FAM107B: variants seen among roughly 807,000 people sequenced by gnomAD.
FAM107B encodes the protein protein FAM107B.
FAM107B carries 21 observed loss-of-function variants against 31.5 expected under a neutral mutation model. The observed-to-expected ratio is 0.67, with a 90% CI of 0.47 to 0.96. The LOEUF (loss-of-function observed/expected upper bound fraction) is 0.96. Ranked by LOEUF, FAM107B falls within the 40% of genes least tolerant of loss-of-function variation. FAM107B has a pLI of 0.00. For missense variants in FAM107B, 452 were observed against 377.1 expected (o/e 1.20, Z -1.64); for synonymous variants, 157 against 141.5 (o/e 1.11, Z -0.78).
chr10:14,597,629 A>T (rs183304645), intron 2 of FAM107B, among the ~76,000 whole-genome samples: 1 of 152,304 alleles, frequency 6.6e-6, no homozygotes, highest in African/African-American at 2.4e-5. Flanking sequence ...CCGCATCTTG[A>T]CATCACTGCC....
At chr10:14,764,476 T>C (rs142009611) in intron 1 of FAM107B, among the ~76,000 whole-genome samples, 1 of 152,336 alleles carries the variant, frequency 6.6e-6, no homozygotes, top group Non-Finnish European at 1.5e-5. Flanking sequence ...CCACGGCATT[T>C]TGATGTCCTT....
At chr10:14,700,853 C>CGG in intron 1 of FAM107B, among the ~76,000 whole-genome samples, 1 of 127,306 alleles carries the variant, frequency 7.9e-6, no homozygotes, top group Non-Finnish European at 1.6e-5. Context: ...AAAAAAAAAA[C>CGG]GCACTAGGGT....
intron 1 of FAM107B, among the ~76,000 whole-genome samples, chr10:14,738,295 G>A (rs1346840522): frequency 1.3e-5 from 2 of 152,164 alleles, no homozygotes; most frequent in Non-Finnish European, 2.9e-5. Flanking sequence ...TGTTACGAGT[G>A]GGAGTTAGGG....
chr10:14,535,674 AC>A (rs1311131864), intron 2 of FAM107B, among the ~76,000 whole-genome samples: 1 of 152,242 alleles, frequency 6.6e-6, no homozygotes, highest in East Asian at 1.9e-4. Context: ...CAGGAAACAG[AC>A]AGGCCTGATG....
rs149679571 is a variant in FAM107B, at chr10:14,761,782, G to T, written c.411+12471C>A. Among the ~76,000 whole-genome samples the T allele has an allele frequency of 7.6e-4, 114 of 150,882 alleles. 2 individuals carry two copies. In the East Asian group the frequency reaches 0.021, roughly 28 times the overall value. ...CTGGCTAATTTTTGTATTTTTAGTA[G>T]AGGGGGGGGTTTCACCATGTTGGCC... On this transcript the variant is annotated intron_variant, in intron 1 of 4. Coordinates refer to ENST00000181796, the MANE Select transcript of FAM107B (RefSeq NM_031453.4).
intron 1 of FAM107B, among the ~76,000 whole-genome samples, chr10:14,676,627 A>G (rs977851589): frequency 5.9e-5 from 9 of 152,080 alleles, no homozygotes; most frequent in African/African-American, 2.2e-4. Flanking sequence ...AAGCAGCCCC[A>G]CCTCCGTCTG....
At chr10:14,742,337 C>G (rs1856459477) in intron 1 of FAM107B, among the ~76,000 whole-genome samples, 1 of 150,054 alleles carries the variant, frequency 6.7e-6, no homozygotes, top group African/African-American at 2.5e-5. Context: ...AGGCTGGTGT[C>G]GAACTTCTGG....
chr10:14,750,193 T>C (rs1832799849), intron 1 of FAM107B, among the ~76,000 whole-genome samples: 1 of 152,226 alleles, frequency 6.6e-6, no homozygotes, highest in South Asian at 2.1e-4. Flanking sequence ...CTTCTAAAGG[T>C]ATCCCCAGAG....
At chr10:14,523,520 A>AC (rs1291718138) in intron 3 of FAM107B, among the ~76,000 whole-genome samples, 1 of 151,772 alleles carries the variant, frequency 6.6e-6, no homozygotes, top group Non-Finnish European at 1.5e-5. Flanking sequence ...CCTCCCACAC[A>AC]CCTCCTGGTC....
At chr10:14,751,296 T>C (rs2131582273) in intron 1 of FAM107B, among the ~76,000 whole-genome samples, 1 of 152,278 alleles carries the variant, frequency 6.6e-6, no homozygotes, top group African/African-American at 2.4e-5. Flanking sequence ...GTTTGATGTT[T>C]GTACAATTTC....
At chr10:14,583,729 T>G (rs150772387) in intron 2 of FAM107B, among the ~76,000 whole-genome samples, 8 of 151,916 alleles carry the variant, frequency 5.3e-5, no homozygotes, top group African/African-American at 1.9e-4. Context: ...AAGTTGACAG[T>G]GGAAGGAAAC....
intron 2 of FAM107B, among the ~76,000 whole-genome samples, chr10:14,543,476 G>C (rs901076389): frequency 6.6e-6 from 1 of 151,876 alleles, no homozygotes; most frequent in South Asian, 2.1e-4. Flanking sequence ...TGTAGGACCC[G>C]TGACTCAGGA....
intron 2 of FAM107B, among the ~76,000 whole-genome samples, chr10:14,572,761 T>TATATATATATATATATATATAAA (rs1554835550): frequency 1.1e-4 from 8 of 76,036 alleles, no homozygotes; most frequent in Non-Finnish European, 2.2e-4. Flanking sequence ...ATATATATAT[T>TATATATATATATATATATATAAA]AGAGTGTGTG....
chr10:14,660,557 G>A (rs1032653789), intron 2 of FAM107B, among the ~76,000 whole-genome samples: 1 of 152,140 alleles, frequency 6.6e-6, no homozygotes, highest in Non-Finnish European at 1.5e-5. Flanking sequence ...TACTCATTTG[G>A]TTACAAATAA....
At chr10:14,552,200 C>G (rs1849323217) in intron 2 of FAM107B, among the ~76,000 whole-genome samples, 1 of 152,148 alleles carries the variant, frequency 6.6e-6, no homozygotes, top group Non-Finnish European at 1.5e-5. Context: ...TTGGGAAGAT[C>G]TTGGTGGGAA....
chr10:14,748,625 G>C (rs2131579907), intron 1 of FAM107B, among the ~76,000 whole-genome samples: 2 of 152,342 alleles, frequency 1.3e-5, no homozygotes, highest in South Asian at 4.1e-4. Context: ...ACAGTGGTCT[G>C]GTGTTGCCAG....
At position 14,614,217 on chromosome 10, in the gene FAM107B, T is replaced by C. The variant is rs80241062; in HGVS notation, c.469+53417A>G. Among the ~76,000 whole-genome samples the C allele has an allele frequency of 4.5e-3, 681 of 152,264 alleles. 6 individuals carry two copies. The highest frequency in any genetic ancestry group is 0.015 in the African/African-American group (643 of 41,552). On this transcript the variant is annotated intron_variant, in intron 2 of 4. Coordinates refer to ENST00000181796, the MANE Select transcript of FAM107B (RefSeq NM_031453.4). ...TGGGAGGTTCACAGATCACATGAGG[T>C]CCTGTGGGCTCTTAGAGGCTCTGAG... is the stretch of plus-strand genomic sequence containing the variant.
chr10:14,763,720 C>G (rs1405346890), intron 1 of FAM107B, among the ~76,000 whole-genome samples: 1 of 152,182 alleles, frequency 6.6e-6, no homozygotes, highest in Non-Finnish European at 1.5e-5. Flanking sequence ...AGGATCTAAG[C>G]CACTGGTGAC....
chr10:14,596,999 A>G (rs138782913), intron 2 of FAM107B, among the ~76,000 whole-genome samples: 3 of 152,342 alleles, frequency 2.0e-5, no homozygotes, highest in East Asian at 3.9e-4. Flanking sequence ...TGGCAAGCTT[A>G]GGCTTAAAAG....
Sources: gnomAD v4.1 joint callset for allele counts (sites outside exome capture counted in the v4.1 genomes callset) on GRCh38, gnomAD v4.1.1 for gene constraint, MANE v1.5 for transcripts, NCBI Gene and HGNC (gene_info 2026-07-23, HGNC 2026-07-21) for gene names.